The following UNC13C variants were observed in gnomAD, a reference collection of about 807,000 sequenced individuals.
The protein encoded by UNC13C is protein unc-13 homolog C.
Under a neutral mutation model 245.4 loss-of-function variants are expected in UNC13C, and 174 were observed. The observed-to-expected ratio is 0.71, with a 90% CI of 0.63 to 0.80. The LOEUF is 0.80. Ranked by LOEUF, UNC13C falls within the 30% of genes least tolerant of loss-of-function variation. UNC13C has a pLI of 0.00. For missense variants in UNC13C, 2,829 were observed against 2,602.9 expected (o/e 1.09, Z -1.89); for synonymous variants, 992 against 895.1 (o/e 1.11, Z -1.93).
At chr15:54,260,724 A>G (rs951346001) in intron 8 of UNC13C, among the ~76,000 whole-genome samples, 1 of 148,650 alleles carries the variant, frequency 6.7e-6, no homozygotes, top group African/African-American at 2.4e-5. Context: ...AAATATATAT[A>G]TAACTTTATA....
intron 20 of UNC13C, among the ~76,000 whole-genome samples, chr15:54,498,486 A>G (rs897238768): frequency 8.5e-5 from 13 of 152,158 alleles, no homozygotes; most frequent in African/African-American, 2.7e-4. Flanking sequence ...TTAAGTGCTA[A>G]TAAAATATGG....
At chr15:54,472,910 C>G (rs148723568) in intron 19 of UNC13C, among the ~76,000 whole-genome samples, 5 of 151,972 alleles carry the variant, frequency 3.3e-5, no homozygotes, top group Non-Finnish European at 7.4e-5. Context: ...AGATTTGTTG[C>G]ATGGGTATAT....
chr15:54,498,473 G>A (rs541546040), intron 20 of UNC13C, among the ~76,000 whole-genome samples: 168 of 152,146 alleles, frequency 1.1e-3, no homozygotes, highest in African/African-American at 3.9e-3. Context: ...AAAATATTTT[G>A]AATTAAGTGC....
intron 4 of UNC13C, among the ~76,000 whole-genome samples, chr15:54,144,263 A>G (rs1202332311): frequency 6.6e-6 from 1 of 152,108 alleles, no homozygotes; most frequent in East Asian, 1.9e-4. Context: ...ATGAATGTTC[A>G]TAGGCATTTT....
At chr15:54,278,114 C>T (rs928224156) in intron 10 of UNC13C, among the ~76,000 whole-genome samples, 1 of 152,116 alleles carries the variant, frequency 6.6e-6, no homozygotes, top group Non-Finnish European at 1.5e-5. Context: ...TTTGGCCACT[C>T]CATCCTGACC....
intron 4 of UNC13C, among the ~76,000 whole-genome samples, chr15:54,204,290 A>G (rs896100882): frequency 7.5e-5 from 10 of 133,398 alleles, no homozygotes; most frequent in Non-Finnish European, 1.4e-4. Context: ...CTATTGACAT[A>G]AAAAGATTAA....
At chr15:54,061,578 T>C (rs1376916238) in intron 2 of UNC13C, among the ~76,000 whole-genome samples, 35 of 152,188 alleles carry the variant, frequency 2.3e-4, no homozygotes, top group Non-Finnish European at 1.5e-4. Flanking sequence ...CTTACCTCCC[T>C]TGTCAGCATA....
chr15:54,295,078 C>G (rs1005580170), intron 11 of UNC13C, among the ~76,000 whole-genome samples: 29 of 152,020 alleles, frequency 1.9e-4, no homozygotes, highest in African/African-American at 7.0e-4. Context: ...AAGATTTGTA[C>G]TCTTATGTAT....
intron 4 of UNC13C, among the ~76,000 whole-genome samples, chr15:54,200,809 A>G (rs1478254015): frequency 6.6e-6 from 1 of 152,092 alleles, no homozygotes; most frequent in South Asian, 2.1e-4. Flanking sequence ...AAGAAAATAC[A>G]TAACAAAGAT....
At chr15:53,848,908 G>A in the UNC13C span, among the ~76,000 whole-genome samples, 1 of 151,630 alleles carries the variant, frequency 6.6e-6, no homozygotes, top group Non-Finnish European at 1.5e-5. Context: ...ATTCATTGCA[G>A]TATTTCTTGT....
intron 4 of UNC13C, among the ~76,000 whole-genome samples, chr15:54,154,406 G>T (rs756476534): frequency 6.6e-6 from 1 of 151,892 alleles, no homozygotes; most frequent in Non-Finnish European, 1.5e-5. Flanking sequence ...ACATATACCT[G>T]GGAAAATAAT....
chr15:54,559,538 T>C (rs938306576), intron 29 of UNC13C, among the ~76,000 whole-genome samples: 3 of 151,964 alleles, frequency 2.0e-5, no homozygotes, highest in African/African-American at 7.2e-5. Flanking sequence ...GTAGAAAATA[T>C]GGTGAGCAAT....
chr15:54,015,839 C>G lies in UNC13C; in HGVS notation c.2936C>G (p.Ala979Gly). Reference sequence around the variant, plus strand: ...TCTTTCAAAGAAGCAGCTTTAAGGGCCTATAAAAAGCAAATGGCAGAGTTG... The same window carrying G: ...TCTTTCAAAGAAGCAGCTTTAAGGGGCTATAAAAAGCAAATGGCAGAGTTG... ...RPSFKEAALR[A>G]YKKQMAELEE... is the part of the protein sequence containing the mutation. Residue 979 changes from alanine (A) to glycine (G), a missense_variant, in exon 2 of 33, where the codon GCC (alanine) becomes GGC (glycine). Ala to Gly is a moderately conservative substitution (Grantham distance 60). Transcript: ENST00000260323. 6.2e-7 allele frequency: 1 copy of G among 1,605,494 alleles called. No homozygotes were observed. The highest frequency in any genetic ancestry group is 2.2e-5 in the East Asian group (1 of 44,754).
chr15:53,838,233 C>T, the UNC13C span, among the ~76,000 whole-genome samples: 1 of 151,796 alleles, frequency 6.6e-6, no homozygotes, highest in South Asian at 2.1e-4. Context: ...TTTATGTCTC[C>T]CTTAATACTT....
intron 4 of UNC13C, among the ~76,000 whole-genome samples, chr15:54,163,575 T>C (rs550331962): frequency 2.0e-5 from 3 of 152,232 alleles, no homozygotes; most frequent in Non-Finnish European, 4.4e-5. Flanking sequence ...CATTACCTTC[T>C]TCTACCTAGG....
In UNC13C at chr15:54,281,575, C is replaced by A. The variant is rs563499708; in HGVS notation, c.3819-12320C>A. ...TTTTCTGGTAATTTACAGAATGCAA[C>A]AGTGGGAGAAATTAAAACCACCAAC... On this transcript the variant is annotated intron_variant, in intron 10 of 32. Transcript: ENST00000260323. 2.6e-4 allele frequency among the ~76,000 whole-genome samples: 39 copies of A among 152,260 alleles called. 1 individual carries two copies. The highest frequency in any genetic ancestry group is 7.9e-4 in the African/African-American group (33 of 41,550).
At chr15:54,631,874 T>G (rs1901463515), downstream of UNC13C, 1 of 152,226 alleles carries the variant, frequency 6.6e-6, no homozygotes, top group Admixed American at 6.5e-5. Context: ...TTTCTAGGTC[T>G]TATGATAAGT....
intron 2 of UNC13C, among the ~76,000 whole-genome samples, chr15:54,055,852 A>G (rs887327111): frequency 3.9e-5 from 6 of 152,190 alleles, no homozygotes; most frequent in Non-Finnish European, 8.8e-5. Context: ...CAATGGGTAC[A>G]TTTATCATTG....
intron 18 of UNC13C, among the ~76,000 whole-genome samples, chr15:54,410,274 C>G (rs1454205005): frequency 6.6e-6 from 1 of 152,126 alleles, no homozygotes; most frequent in East Asian, 1.9e-4. Flanking sequence ...TGGATATTAC[C>G]TTTGCCAGAT....
Sources: gnomAD v4.1 joint callset for allele counts (sites outside exome capture counted in the v4.1 genomes callset) on GRCh38, gnomAD v4.1.1 for gene constraint, MANE v1.5 for transcripts, NCBI Gene and HGNC (gene_info 2026-07-23, HGNC 2026-07-21) for gene names.